SLC35G2: variants seen among roughly 807,000 people sequenced by gnomAD.
SLC35G2 encodes the protein transmembrane protein 22.
In SLC35G2, 20 loss-of-function variants were observed where a neutral mutation model predicts 27.2. The ratio of observed to expected loss-of-function variants is 0.74; its 90% CI spans 0.52 to 1.07. SLC35G2 has a LOEUF of 1.07. SLC35G2 is among the 50% of genes least tolerant of loss of function. SLC35G2 has a pLI of 0.00. For missense variants in SLC35G2, 416 were observed against 493.3 expected (o/e 0.84, Z 1.48); for synonymous variants, 148 against 165.3 (o/e 0.90, Z 0.80).
intron 1 of SLC35G2, among the ~76,000 whole-genome samples, chr3:136,844,843 T>C (rs6809943): frequency 0.68 from 101,276 of 147,978 alleles, 35,001 homozygotes; most frequent in East Asian, 0.87. Flanking sequence ...CAAAACATTC[T>C]TTCATGTACA....
intron 1 of SLC35G2, among the ~76,000 whole-genome samples, chr3:136,823,800 T>G (rs1317400672): frequency 6.6e-6 from 1 of 151,810 alleles, no homozygotes; most frequent in East Asian, 1.9e-4. Context: ...GAGATGGGGT[T>G]TCAGCATGTT....
chr3:136,830,926 A>G (rs1936715331), intron 1 of SLC35G2, among the ~76,000 whole-genome samples: 1 of 152,196 alleles, frequency 6.6e-6, no homozygotes, highest in South Asian at 2.1e-4. Flanking sequence ...CATACCTGCC[A>G]TCTTTACTAA....
intron 1 of SLC35G2, among the ~76,000 whole-genome samples, chr3:136,833,331 A>G (rs959865705): frequency 7.9e-5 from 12 of 152,196 alleles, no homozygotes; most frequent in African/African-American, 2.9e-4. Context: ...ATTTTGACTC[A>G]TTGTTAAAAA....
chr3:136,821,044 G>A (rs1156253084), intron 1 of SLC35G2, among the ~76,000 whole-genome samples: 1 of 152,008 alleles, frequency 6.6e-6, no homozygotes, highest in African/African-American at 2.4e-5. Flanking sequence ...AAATATATTG[G>A]TGGTATGTGG....
intron 1 of SLC35G2, among the ~76,000 whole-genome samples, chr3:136,850,018 A>T (rs1437429697): frequency 6.6e-6 from 1 of 152,128 alleles, no homozygotes; most frequent in Non-Finnish European, 1.5e-5. Context: ...GAGGCAGGAG[A>T]ATCTCTTGAA....
intron 1 of SLC35G2, among the ~76,000 whole-genome samples, chr3:136,853,818 A>G (rs925134826): frequency 1.3e-5 from 2 of 152,164 alleles, no homozygotes; most frequent in Admixed American, 1.3e-4. Context: ...ATCTTAATAC[A>G]TATGGTCCAA....
chr3:136,838,650 A>G (rs988621840), intron 1 of SLC35G2: 5 of 152,232 alleles, frequency 3.3e-5, no homozygotes, highest in African/African-American at 1.2e-4. Context: ...TGGCCTCAAG[A>G]AGGAGTTCAG....
At chr3:136,846,747 C>T (rs780746989) in intron 1 of SLC35G2, among the ~76,000 whole-genome samples, 11 of 152,284 alleles carry the variant, frequency 7.2e-5, no homozygotes, top group Admixed American at 1.3e-4. Flanking sequence ...ATTGTGAAGA[C>T]GGTTATGTCA....
Position 136,855,203 on chromosome 3 carries a change from T to G in SLC35G2, c.743T>G (p.Leu248Trp). Residue 248 changes from leucine to tryptophan, a missense_variant, in exon 2 of 2, where the codon TTG becomes TGG. Coordinates refer to ENST00000446465, the MANE Select transcript of SLC35G2 (RefSeq NM_025246.3). ...IPNIVDEDNS[L>W]LNAWKEAFGY... is the part of the protein sequence containing the mutation. The stretch of plus-strand genomic sequence containing the variant: ...AACATTGTTGATGAAGACAATTCTT[T>G]GTTAAATGCCTGGAAAGAAGCCTTT... 6.2e-7 allele frequency: 1 copy of G among 1,614,224 alleles called. No homozygotes were observed.
intron 1 of SLC35G2, among the ~76,000 whole-genome samples, chr3:136,852,475 A>G (rs2108039336): frequency 6.6e-6 from 1 of 151,974 alleles, no homozygotes; most frequent in South Asian, 2.1e-4. Flanking sequence ...GAGGAAGAAA[A>G]AAAAAGATTT....
chr3:136,843,368 G>A (rs990512888), intron 1 of SLC35G2: 3 of 151,776 alleles, frequency 2.0e-5, no homozygotes, highest in African/African-American at 7.3e-5. Context: ...TTCTGGCAGG[G>A]TGTGGTAGCT....
At chr3:136,838,791 T>A (rs944362587) in intron 1 of SLC35G2, 2 of 152,200 alleles carry the variant, frequency 1.3e-5, no homozygotes. Context: ...CAGGAACTGA[T>A]GCATATCCTG....
At chr3:136,846,484 T>G (rs1937383740) in intron 1 of SLC35G2, 1 of 152,244 alleles carries the variant, frequency 6.6e-6, no homozygotes, top group Non-Finnish European at 1.5e-5. Flanking sequence ...GCTGAGTTGC[T>G]CTGCACTGCT....
chr3:136,825,233 G>A (rs970306600), intron 1 of SLC35G2, among the ~76,000 whole-genome samples: 6 of 139,578 alleles, frequency 4.3e-5, no homozygotes, highest in African/African-American at 1.6e-4. Flanking sequence ...TGGGTCTATC[G>A]TATATAACTT....
chr3:136,836,656 T>C (rs532630171), intron 1 of SLC35G2, among the ~76,000 whole-genome samples: 11 of 152,164 alleles, frequency 7.2e-5, no homozygotes, highest in East Asian at 1.9e-4. Flanking sequence ...CATAAGAAAC[T>C]TGGGAGCATC....
Position 136,829,249 on chromosome 3 carries a change from G to A in SLC35G2, c.-19+9621G>A, listed in dbSNP as rs1936663510. On this transcript the variant is annotated intron_variant, in intron 1 of 1. Transcript: ENST00000446465. ...ATGACTTTTTTTTTTTTTAGATGGA[G>A]TCTTGCTCTGGCACCAGGCTGGAGT... Among the ~76,000 whole-genome samples, 4 of 151,020 alleles carry A rather than the reference G, an allele frequency of 2.6e-5. 1 individual carries two copies. In the South Asian group the frequency reaches 8.3e-4, roughly 31 times the overall value.
Position 136,855,364 on chromosome 3 carries a change from A to C in SLC35G2, c.904A>C (p.Thr302Pro), listed in dbSNP as rs1302122962. The change falls in exon 2 of 2, where the codon ACT becomes CCT. Residue 302 changes from threonine (T) to proline (P), a missense_variant. Thr to Pro is a conservative substitution (Grantham distance 38). Coordinates refer to ENST00000446465, the MANE Select transcript of SLC35G2 (RefSeq NM_025246.3). ...GWTGTIWGIS[T>P]MFILQEPIIP... ...GACTGGGACAATTTGGGGAATATCT[A>C]CTATGTTTATTCTTCAAGAACCCAT... is the stretch of plus-strand genomic sequence containing the variant. The C allele has an allele frequency of 6.2e-7, 1 of 1,614,152 alleles. No homozygotes were observed. Among genetic ancestry groups the C allele is most frequent in the East Asian group, 2.2e-5 (1 of 44,888 alleles).
intron 1 of SLC35G2, among the ~76,000 whole-genome samples, chr3:136,846,891 T>C (rs1937404828): frequency 6.6e-6 from 1 of 152,234 alleles, no homozygotes; most frequent in Non-Finnish European, 1.5e-5. Flanking sequence ...AATTTCCGGC[T>C]GGGCATGGTG....
In SLC35G2 at chr3:136,824,017, A is replaced by G. The variant is rs544378716; in HGVS notation, c.-19+4389A>G. ...GTATGTTCCTGGCACCTTTGTGGAAAATGAGTTTACTGTAGCTGTATGGAT... is the reference window on the plus strand; with the variant it reads ...GTATGTTCCTGGCACCTTTGTGGAAGATGAGTTTACTGTAGCTGTATGGAT... On this transcript the variant is annotated intron_variant, in intron 1 of 1. Transcript: ENST00000446465. Among the ~76,000 whole-genome samples, 194 of 152,200 alleles carry G rather than the reference A, an allele frequency of 1.3e-3. 2 individuals carry two copies. Among genetic ancestry groups the G allele is most frequent in the Non-Finnish European group, 1.3e-4 (9 of 68,008 alleles).
Sources: allele counts gnomAD v4.1 joint callset (sites outside exome capture counted in the v4.1 genomes callset), GRCh38; gene constraint gnomAD v4.1.1; transcripts MANE v1.5; gene names NCBI Gene and HGNC (gene_info 2026-07-23, HGNC 2026-07-21).